EEIG2: variants seen among roughly 807,000 people sequenced by gnomAD.
EEIG2 encodes EEIG family member 2, also known as family with sequence similarity 102 member B.
chr1:108,625,805 TGTGTGTGTGTGTGTGTG>T, the EEIG2 span: 6,166 of 151,138 alleles, frequency 0.041, 188 homozygotes, highest in Non-Finnish European at 0.064. Flanking sequence ...TGTGTGTGTG[TGTGTGTGTGTGTGTGTG>T]TGTGTGGAGA....
chr1:108,611,311 G>A, the EEIG2 span, among the ~76,000 whole-genome samples: 1 of 152,190 alleles, frequency 6.6e-6, no homozygotes, highest in African/African-American at 2.4e-5. Context: ...TAAAAAGACT[G>A]TATATAGACT....
chr1:108,614,234 C>T, the EEIG2 span, among the ~76,000 whole-genome samples: 1 of 144,410 alleles, frequency 6.9e-6, no homozygotes, highest in African/African-American at 2.5e-5. Flanking sequence ...AAAAATACTC[C>T]TGGCTCCTCT....
chr1:108,612,162 C>A, the EEIG2 span: 11 of 1,564,092 alleles, frequency 7.0e-6, no homozygotes, highest in Non-Finnish European at 9.6e-6. Context: ...TAATATAATT[C>A]TCTTTCTTTT....
the EEIG2 span, chr1:108,635,087 T>G: frequency 6.2e-7 from 1 of 1,613,852 alleles, no homozygotes; most frequent in African/African-American, 1.3e-5. Flanking sequence ...ATTTTGAAGT[T>G]TTTTTCCACT....
chr1:108,570,863 C>T, the EEIG2 span, among the ~76,000 whole-genome samples: 1 of 151,978 alleles, frequency 6.6e-6, no homozygotes, highest in Non-Finnish European at 1.5e-5. Flanking sequence ...AGGATGAAGG[C>T]CTTAGTGATG....
At chr1:108,573,035 A>G in the EEIG2 span, among the ~76,000 whole-genome samples, 1 of 152,186 alleles carries the variant, frequency 6.6e-6, no homozygotes, top group South Asian at 2.1e-4. Context: ...AGTTTTGGCA[A>G]TTATGAATAA....
the EEIG2 span, among the ~76,000 whole-genome samples, chr1:108,596,220 T>C: frequency 1.9e-4 from 29 of 152,230 alleles, no homozygotes; most frequent in African/African-American, 6.5e-4. Flanking sequence ...TCTAAAGTTA[T>C]ATACTTCTGT....
chr1:108,601,368 G>A, the EEIG2 span, among the ~76,000 whole-genome samples: 1 of 151,902 alleles, frequency 6.6e-6, no homozygotes. Context: ...GAAGGATTTA[G>A]AATGAAAGCA....
chr1:108,595,815 T>C, the EEIG2 span, among the ~76,000 whole-genome samples: 2 of 152,160 alleles, frequency 1.3e-5, no homozygotes, highest in African/African-American at 4.8e-5. Context: ...GTATATGTTA[T>C]CATTTGCACA....
the EEIG2 span, among the ~76,000 whole-genome samples, chr1:108,601,014 T>C: frequency 6.6e-6 from 1 of 152,150 alleles, no homozygotes; most frequent in African/African-American, 2.4e-5. Context: ...CTGGGAACTT[T>C]ATGTGTAATA....
the EEIG2 span, among the ~76,000 whole-genome samples, chr1:108,598,866 A>G: frequency 3.9e-5 from 6 of 152,046 alleles, no homozygotes; most frequent in Non-Finnish European, 8.8e-5. Flanking sequence ...GGTGGCTTAC[A>G]CCTGTAATCC....
chr1:108,576,102 C>A, the EEIG2 span, among the ~76,000 whole-genome samples: 1 of 152,172 alleles, frequency 6.6e-6, no homozygotes. Context: ...TCACCTCAGC[C>A]TCCCAAGTAG....
chr1:108,638,970 T>A, the EEIG2 span: 31 of 152,348 alleles, frequency 2.0e-4, no homozygotes, highest in East Asian at 2.9e-3. Context: ...ATGTTGTGTA[T>A]ATAGCAAAGA....
chr1:108,579,770 T>TGAGA, the EEIG2 span, among the ~76,000 whole-genome samples: 9 of 23,200 alleles, frequency 3.9e-4, no homozygotes, highest in Admixed American at 1.8e-3. Context: ...TGTGTGTGTG[T>TGAGA]GTGAGAGAGA....
At chr1:108,560,426 A>G in the EEIG2 span, 3 of 1,599,078 alleles carry the variant, frequency 1.9e-6, no homozygotes, top group Non-Finnish European at 1.7e-6. Context: ...CCTGGCTCTC[A>G]CGATGATGAA....
the EEIG2 span, among the ~76,000 whole-genome samples, chr1:108,611,657 A>G: frequency 1.1e-4 from 16 of 152,290 alleles, no homozygotes; most frequent in African/African-American, 3.8e-4. Context: ...CACTTAAGTC[A>G]CTCCAGTTCT....
the EEIG2 span, among the ~76,000 whole-genome samples, chr1:108,596,746 T>G: frequency 1.1e-4 from 16 of 146,638 alleles, no homozygotes; most frequent in Admixed American, 2.0e-4. Flanking sequence ...TGTTTTTTTG[T>G]TTTTTTTTTT....
chr1:108,594,221 G>A, the EEIG2 span, among the ~76,000 whole-genome samples: 1 of 152,134 alleles, frequency 6.6e-6, no homozygotes, highest in African/African-American at 2.4e-5. Context: ...AACATTTTAA[G>A]GAGACAGGAG....
At chr1:108,621,830 GT>G in the EEIG2 span, among the ~76,000 whole-genome samples, 308 of 147,894 alleles carry the variant, frequency 2.1e-3, 1 homozygote, top group Middle Eastern at 7.0e-3. Context: ...AATGCAGGGT[GT>G]TTTTTTTTTT....
Sources: allele counts gnomAD v4.1 joint callset (sites outside exome capture counted in the v4.1 genomes callset), GRCh38; gene constraint gnomAD v4.1.1; transcripts MANE v1.5; gene names NCBI Gene and HGNC (gene_info 2026-07-23, HGNC 2026-07-21).